Variants in OR51B5 observed in about 807,000 individuals in gnomAD.
The protein encoded by OR51B5 is olfactory receptor family 51 subfamily B member 5.
For missense variants in OR51B5, 456 were observed against 374.6 expected (o/e 1.22, Z -1.79); for synonymous variants, 186 against 144.8 (o/e 1.28, Z -2.04).
At chr11:5,373,250 C>T (rs2736549) in intron 1 of OR51B5, among the ~76,000 whole-genome samples, 30,379 of 152,052 alleles carry the variant, frequency 0.2, 3,260 homozygotes, top group Middle Eastern at 0.37. Context: ...ATATCAGTCT[C>T]GGCAATTTTT....
chr11:5,344,277 T>C (rs991131452), upstream of OR51B5, among the ~76,000 whole-genome samples: 2 of 152,240 alleles, frequency 1.3e-5, no homozygotes, highest in Non-Finnish European at 2.9e-5. Flanking sequence ...ACATCACTTA[T>C]AATAGTGTAT....
chr11:5,433,076 A>C (rs1850553800), intron 1 of OR51B5, among the ~76,000 whole-genome samples: 1 of 152,234 alleles, frequency 6.6e-6, no homozygotes, highest in Admixed American at 6.5e-5. Context: ...TAAACATTTC[A>C]GGTGAAAATT....
At chr11:5,359,803 C>T (rs12789608) in intron 1 of OR51B5, among the ~76,000 whole-genome samples, 22,693 of 150,204 alleles carry the variant, frequency 0.15, 2,043 homozygotes, top group Non-Finnish European at 0.21. Context: ...GAGATATAGA[C>T]CAATGGAACA....
chr11:5,361,760 G>GTA (rs1849288602), intron 1 of OR51B5, among the ~76,000 whole-genome samples: 1 of 58,896 alleles, frequency 1.7e-5, no homozygotes, highest in Non-Finnish European at 4.1e-5. Flanking sequence ...GATCTAGTTA[G>GTA]GAAAAAATCA....
chr11:5,442,188 A>G (rs567032721), intron 1 of OR51B5, among the ~76,000 whole-genome samples: 4 of 152,138 alleles, frequency 2.6e-5, no homozygotes, highest in African/African-American at 9.6e-5. Context: ...TCTCTCTTTC[A>G]CCTTCATATA....
chr11:5,493,070 T>A (rs1851602137), intron 1 of OR51B5, among the ~76,000 whole-genome samples: 1 of 152,234 alleles, frequency 6.6e-6, no homozygotes, highest in Non-Finnish European at 1.5e-5. Context: ...TATGGCTGAA[T>A]GGAAAAGACA....
intron 1 of OR51B5, chr11:5,488,615 A>G: frequency 1.0e-6 from 1 of 984,714 alleles, no homozygotes; most frequent in Non-Finnish European, 1.5e-6. Context: ...TCACAGAAAG[A>G]TCTTTGTTTT....
intron 1 of OR51B5, chr11:5,422,157 C>T (rs1850349364): frequency 1.5e-6 from 2 of 1,376,482 alleles, no homozygotes; most frequent in Non-Finnish European, 2.0e-6. Flanking sequence ...GTTTCTTTTT[C>T]TCCCTGAGTG....
At chr11:5,456,174 T>G (rs1309520933) in intron 1 of OR51B5, 3 of 152,202 alleles carry the variant, frequency 2.0e-5, no homozygotes, top group African/African-American at 7.2e-5. Flanking sequence ...GATACATTCT[T>G]TTGACCATAG....
At chr11:5,387,768 G>T (rs1020006476) in intron 1 of OR51B5, among the ~76,000 whole-genome samples, 1 of 151,984 alleles carries the variant, frequency 6.6e-6, no homozygotes, top group Non-Finnish European at 1.5e-5. Context: ...CTTGCCCTCT[G>T]ATTTTGATTT....
intron 1 of OR51B5, chr11:5,390,035 A>G (rs777348255): frequency 6.2e-7 from 1 of 1,613,588 alleles, no homozygotes; most frequent in East Asian, 2.2e-5. Flanking sequence ...GTATGGACTG[A>G]TGGTGGTAGT....
intron 1 of OR51B5, among the ~76,000 whole-genome samples, chr11:5,414,197 A>C (rs926441030): frequency 3.3e-5 from 5 of 151,928 alleles, no homozygotes; most frequent in Non-Finnish European, 5.9e-5. Context: ...TCATAAGTGA[A>C]GGAGAAATAA....
intron 1 of OR51B5, among the ~76,000 whole-genome samples, chr11:5,470,585 T>C (rs1047056314): frequency 6.6e-6 from 1 of 152,210 alleles, no homozygotes; most frequent in African/African-American, 2.4e-5. Context: ...TAAGAGTTCA[T>C]TGTCATCTTA....
chr11:5,453,651 C>T lies in OR51B5; in HGVS notation n.84+51918G>A, dbSNP rs765976440. The T allele has an allele frequency of 3.1e-6, 5 of 1,613,342 alleles. No homozygotes were observed. The South Asian group carries it at 5.5e-5, about 18-fold the overall frequency. ...GCAGGCTGTGCGAGTGGAGCCCAGC[C>T]TCCATGAGCCCATGTACTACTTCCT... is the stretch of plus-strand genomic sequence containing the variant. On this transcript the variant is annotated intron_variant and non_coding_transcript_variant, in intron 1 of 4. Transcript: ENST00000415970.
chr11:5,368,446 T>A (rs1468243165), intron 1 of OR51B5, among the ~76,000 whole-genome samples: 6 of 142,926 alleles, frequency 4.2e-5, no homozygotes, highest in African/African-American at 1.6e-4. Context: ...CCATTGTAAG[T>A]ATTATAGAAA....
chr11:5,422,906 C>T (rs2647574), intron 1 of OR51B5: 648,495 of 1,613,540 alleles, frequency 0.4, 133,799 homozygotes, highest in East Asian at 0.68. Flanking sequence ...CTGGGCTGAG[C>T]GACTCCGTGC....
At chr11:5,435,783 A>G (rs191892416) in intron 1 of OR51B5, among the ~76,000 whole-genome samples, 163 of 152,340 alleles carry the variant, frequency 1.1e-3, no homozygotes, top group Non-Finnish European at 1.5e-3. Context: ...TGTGATATAT[A>G]GCTTAAAACA....
At chr11:5,496,962 T>A (rs1250133801) in intron 1 of OR51B5, among the ~76,000 whole-genome samples, 3 of 152,108 alleles carry the variant, frequency 2.0e-5, no homozygotes, top group South Asian at 2.1e-4. Context: ...CTCTGCTGCA[T>A]CCTTGTAGCC....
chr11:5,458,056 G>A (rs560473068), intron 1 of OR51B5, among the ~76,000 whole-genome samples: 1 of 152,222 alleles, frequency 6.6e-6, no homozygotes, highest in East Asian at 1.9e-4. Flanking sequence ...GTCCAGAATG[G>A]TATTTCCTAG....
Sources: allele counts gnomAD v4.1 joint callset (sites outside exome capture counted in the v4.1 genomes callset), GRCh38; gene constraint gnomAD v4.1.1; transcripts MANE v1.5; gene names NCBI Gene and HGNC (gene_info 2026-07-23, HGNC 2026-07-21).